FER1L6: variants seen among roughly 807,000 people sequenced by gnomAD.
FER1L6 encodes the protein fer-1-like protein 6.
In FER1L6, 177 loss-of-function variants were observed where a neutral mutation model predicts 219.2. That is an observed-to-expected ratio of 0.81 (90% CI 0.71 to 0.91). The LOEUF (loss-of-function observed/expected upper bound fraction) is 0.91. Among genes scored for constraint, FER1L6 ranks in the 40% least tolerant of loss-of-function variants. FER1L6 has a pLI of 0.00. For missense variants in FER1L6, 2,153 were observed against 2,259.9 expected (o/e 0.95, Z 0.96); for synonymous variants, 768 against 824.3 (o/e 0.93, Z 1.17).
intron 1 of FER1L6, among the ~76,000 whole-genome samples, chr8:123,892,477 G>T (rs1439546895): frequency 3.3e-5 from 5 of 152,052 alleles, no homozygotes; most frequent in African/African-American, 1.2e-4. Flanking sequence ...ATTTTTAGTA[G>T]ACATGGGGTT....
intron 32 of FER1L6, among the ~76,000 whole-genome samples, chr8:124,081,508 G>T (rs572333404): frequency 1.3e-5 from 2 of 151,340 alleles, no homozygotes; most frequent in South Asian, 4.2e-4. Context: ...TGAAGGGATT[G>T]GATATGGTGA....
chr8:123,997,894 A>G (rs1160811691), intron 12 of FER1L6, among the ~76,000 whole-genome samples: 2 of 152,144 alleles, frequency 1.3e-5, no homozygotes, highest in African/African-American at 4.8e-5. Flanking sequence ...TTTGTCTGGT[A>G]GTATTCTGAA....
intron 32 of FER1L6, among the ~76,000 whole-genome samples, chr8:124,080,357 G>A (rs1029812123): frequency 1.3e-5 from 2 of 151,748 alleles, no homozygotes; most frequent in Non-Finnish European, 2.9e-5. Flanking sequence ...TGCTCTTGTC[G>A]CCCAGGCTGG....
chr8:123,915,791 T>G (rs1190730500), intron 1 of FER1L6, among the ~76,000 whole-genome samples: 1 of 152,112 alleles, frequency 6.6e-6, no homozygotes, highest in Non-Finnish European at 1.5e-5. Context: ...TTAGAGGATA[T>G]GCATCTAAAC....
chr8:123,918,707 CG>C (rs373003823), intron 1 of FER1L6, among the ~76,000 whole-genome samples: 44 of 130,042 alleles, frequency 3.4e-4, no homozygotes, highest in African/African-American at 1.1e-3. Context: ...GTGGCAGGGG[CG>C]GGGGGGTGGT....
chr8:123,898,812 T>TATACATATGTGTATATAGATAC (rs1812806323), intron 1 of FER1L6, among the ~76,000 whole-genome samples: 1 of 138,494 alleles, frequency 7.2e-6, no homozygotes, highest in Non-Finnish European at 1.5e-5. Context: ...TACACATATA[T>TATACATATGTGTATATAGATAC]ATACATATGT....
intron 5 of FER1L6, 117 bp from the exon 6 acceptor site, chr8:123,969,918 G>A (rs1178444520): frequency 2.7e-6 from 2 of 732,238 alleles, no homozygotes; most frequent in Non-Finnish European, 5.0e-6. Flanking sequence ...AATTGATGAT[G>A]TATATATATT....
intron 10 of FER1L6, among the ~76,000 whole-genome samples, chr8:123,977,891 G>A (rs1816162538): frequency 6.6e-6 from 1 of 152,134 alleles, no homozygotes; most frequent in South Asian, 2.1e-4. Context: ...AGAATCTATT[G>A]CCACCGCTAA....
At chr8:123,909,440 G>A (rs1271957820) in intron 1 of FER1L6, among the ~76,000 whole-genome samples, 1 of 152,158 alleles carries the variant, frequency 6.6e-6, no homozygotes, top group African/African-American at 2.4e-5. Context: ...TGCCTATGGA[G>A]GAAGGGATGA....
intron 1 of FER1L6, among the ~76,000 whole-genome samples, chr8:123,912,097 T>C (rs1445482624): frequency 6.6e-6 from 1 of 152,150 alleles, no homozygotes. Context: ...TACGTGGTAC[T>C]CATCAAAGTG....
rs146184181 is a variant in FER1L6 at position 123,892,603 on chromosome 8, T to C, written c.-8+40418T>C. Among the ~76,000 whole-genome samples the C allele has an allele frequency of 3.7e-3, 557 of 152,274 alleles. 4 individuals carry two copies. Among genetic ancestry groups the C allele is most frequent in the African/African-American group, 0.013 (533 of 41,562 alleles). ...ACCATGCCTGGCCAGAGAGACAGAT[T>C]TAGTTGGCCTCATGCTATCTCTATT... On this transcript the variant is annotated intron_variant, in intron 1 of 40. Coordinates refer to ENST00000522917, the MANE Select transcript of FER1L6 (RefSeq NM_001039112.2).
chr8:124,014,723 C>G (rs1338649610), intron 15 of FER1L6, among the ~76,000 whole-genome samples: 1 of 151,992 alleles, frequency 6.6e-6, no homozygotes, highest in Non-Finnish European at 1.5e-5. Flanking sequence ...AATTAGTAAC[C>G]CTTATTCTAG....
At chr8:124,097,172 A>T in intron 35 of FER1L6, 99 bp from the exon 36 acceptor site, 1 of 826,120 alleles carries the variant, frequency 1.2e-6, no homozygotes, top group Non-Finnish European at 1.9e-6. Flanking sequence ...CTTAACACCT[A>T]TTTCTACTAA....
chr8:123,961,875 G>GTTTTT (rs1586520887), intron 2 of FER1L6, among the ~76,000 whole-genome samples: 1 of 143,972 alleles, frequency 6.9e-6, no homozygotes, highest in African/African-American at 2.5e-5. Context: ...TTGTTTGTTT[G>GTTTTT]TTTTCTTTTT....
rs562389202 is a variant in FER1L6 at position 123,993,208 on chromosome 8, C to T, written c.1519+7032C>T. Among the ~76,000 whole-genome samples, 129 of 151,960 alleles carry T rather than the reference C, an allele frequency of 8.5e-4. No homozygotes were observed. The East Asian group carries it at 0.013, about 15-fold the overall frequency. ...CTGTAATCCCAGCACTTTGGGAGGC[C>T]GAGGCGGGCGGATCACGAGGTCAGG... On this transcript the variant is annotated intron_variant, in intron 12 of 40. Transcript: ENST00000522917.
At chr8:123,932,430 CTTTCT>C (rs1165195611) in intron 1 of FER1L6, among the ~76,000 whole-genome samples, 1 of 152,168 alleles carries the variant, frequency 6.6e-6, no homozygotes, top group Non-Finnish European at 1.5e-5. Context: ...CTTAAAGTTA[CTTTCT>C]TTTAAGGCAT....
At chr8:124,024,627 G>A (rs527579014) in intron 18 of FER1L6, among the ~76,000 whole-genome samples, 30 of 152,208 alleles carry the variant, frequency 2.0e-4, no homozygotes, top group African/African-American at 7.2e-4. Flanking sequence ...TTATGTTGTT[G>A]ATTCCATATC....
intron 21 of FER1L6, among the ~76,000 whole-genome samples, chr8:124,049,367 G>A (rs552862876): frequency 1.2e-4 from 18 of 151,964 alleles, no homozygotes; most frequent in Non-Finnish European, 5.9e-5. Flanking sequence ...GATCATACAG[G>A]TCCTTTTAGG....
At chr8:123,964,148 G>A (rs1339747476) in intron 3 of FER1L6, among the ~76,000 whole-genome samples, 2 of 152,212 alleles carry the variant, frequency 1.3e-5, no homozygotes, top group Admixed American at 6.5e-5. Context: ...CTCTTGAGGT[G>A]TAGGCTTTGA....
Sources: allele counts gnomAD v4.1 joint callset (sites outside exome capture counted in the v4.1 genomes callset), GRCh38; gene constraint gnomAD v4.1.1; transcripts MANE v1.5; gene names NCBI Gene and HGNC (gene_info 2026-07-23, HGNC 2026-07-21).